Variants in SERGEF observed in about 807,000 individuals in gnomAD.
The protein encoded by SERGEF is secretion-regulating guanine nucleotide exchange factor.
A neutral mutation model predicts 50.0 loss-of-function variants in SERGEF; 51 were observed. That is an observed-to-expected ratio of 1.02 (90% CI 0.81 to 1.29). SERGEF has a LOEUF of 1.29. Ranked by LOEUF, SERGEF falls within the 50% of genes most tolerant of loss-of-function variation. The pLI is 0.00. For synonymous variants in SERGEF, 205 were observed against 212.4 expected, an observed-to-expected ratio of 0.97 and a Z score of 0.30; for missense variants, 521 against 557.0, an observed-to-expected ratio of 0.94 and a Z score of 0.65.
At chr11:17,903,368 T>C (rs1388194979) in intron 9 of SERGEF, among the ~76,000 whole-genome samples, 5 of 152,144 alleles carry the variant, frequency 3.3e-5, no homozygotes, top group Admixed American at 3.3e-4. Flanking sequence ...ACAGCTAGAA[T>C]ACTAAAGCTG....
At chr11:17,981,513 T>C (rs1853494675) in intron 8 of SERGEF, among the ~76,000 whole-genome samples, 1 of 152,146 alleles carries the variant, frequency 6.6e-6, no homozygotes, top group Non-Finnish European at 1.5e-5. Context: ...AACAGGGCAA[T>C]GCCATTAACG....
chr11:17,999,468 CA>C (rs1020681665), intron 5 of SERGEF: 1 of 393,520 alleles, frequency 2.5e-6, no homozygotes, highest in African/African-American at 2.1e-5. Context: ...ACTATCAGCA[CA>C]GTCCTGCATT....
chr11:17,860,946 C>A (rs1218787956), intron 10 of SERGEF, among the ~76,000 whole-genome samples: 8 of 152,186 alleles, frequency 5.3e-5, no homozygotes. Flanking sequence ...ATGGTCAGAT[C>A]ACCTCAGCTT....
At chr11:17,913,161 G>A (rs1188701272) in intron 9 of SERGEF, among the ~76,000 whole-genome samples, 2 of 152,194 alleles carry the variant, frequency 1.3e-5, no homozygotes, top group Non-Finnish European at 2.9e-5. Flanking sequence ...CTGGCTACCC[G>A]CAGCATCTGG....
At chr11:17,936,875 T>C (rs1805814335) in intron 9 of SERGEF, among the ~76,000 whole-genome samples, 1 of 152,190 alleles carries the variant, frequency 6.6e-6, no homozygotes, top group Non-Finnish European at 1.5e-5. Flanking sequence ...ATCCTAAATA[T>C]GTGTCAAGAG....
intron 8 of SERGEF, among the ~76,000 whole-genome samples, chr11:17,982,008 C>G (rs573291980): frequency 6.6e-6 from 1 of 152,068 alleles, no homozygotes; most frequent in Non-Finnish European, 1.5e-5. Context: ...TTTTGCCATA[C>G]TGCCCAGGCT....
intron 9 of SERGEF, among the ~76,000 whole-genome samples, chr11:17,958,001 G>A (rs1008747196): frequency 1.3e-5 from 2 of 152,146 alleles, no homozygotes; most frequent in Non-Finnish European, 2.9e-5. Flanking sequence ...GCAAGATTAT[G>A]GAAATCTTCC....
chr11:17,961,975 A>G (rs181117390), intron 8 of SERGEF, among the ~76,000 whole-genome samples: 1 of 152,332 alleles, frequency 6.6e-6, no homozygotes, highest in Admixed American at 6.5e-5. Flanking sequence ...ATGCTATGGC[A>G]TATAGAGTAT....
At chr11:17,878,361 A>T in intron 9 of SERGEF, 117 bp from the exon 10 acceptor site, 1 of 695,842 alleles carries the variant, frequency 1.4e-6, no homozygotes, top group Non-Finnish European at 2.5e-6. Flanking sequence ...TAGGAAGGAA[A>T]TAGAAAGAAG....
At chr11:17,903,149 A>C (rs1036150714) in intron 9 of SERGEF, among the ~76,000 whole-genome samples, 2 of 152,246 alleles carry the variant, frequency 1.3e-5, no homozygotes, top group Non-Finnish European at 2.9e-5. Context: ...AGAAAGGACC[A>C]GAAGATTTCA....
intron 10 of SERGEF, among the ~76,000 whole-genome samples, chr11:17,816,339 G>A (rs1194748315): frequency 6.6e-6 from 1 of 152,198 alleles, no homozygotes; most frequent in African/African-American, 2.4e-5. Flanking sequence ...ATGCTAGGGG[G>A]AATGAAAAGG....
chr11:17,800,271 C>T (rs1469678093), intron 10 of SERGEF, among the ~76,000 whole-genome samples: 1 of 152,122 alleles, frequency 6.6e-6, no homozygotes. Flanking sequence ...TAGCCTTCCC[C>T]ACCAACATCC....
intron 3 of SERGEF, among the ~76,000 whole-genome samples, chr11:18,004,818 TTTTCATG>T (rs1854040127): frequency 6.6e-6 from 1 of 152,218 alleles, no homozygotes; most frequent in Non-Finnish European, 1.5e-5. Flanking sequence ...AATTTTTCAT[TTTTCATG>T]TTTCCATGTG....
At chr11:18,006,459 AG>A (rs1854076457) in intron 3 of SERGEF, 131 bp downstream of exon 3, 1 of 883,794 alleles carries the variant, frequency 1.1e-6, no homozygotes, top group Non-Finnish European at 1.7e-6. Context: ...TACAATTGTG[AG>A]CCACCGCACC....
chr11:17,963,379 A>G (rs1853055266), intron 8 of SERGEF, among the ~76,000 whole-genome samples: 1 of 146,970 alleles, frequency 6.8e-6, no homozygotes, highest in Non-Finnish European at 1.5e-5. Context: ...AAAAAAAAAA[A>G]AAAAAAAAAA....
rs149254987 is a variant in SERGEF at position 17,982,328 on chromosome 11, T to C, written c.844+6269A>G. Among the ~76,000 whole-genome samples, 913 of 152,308 alleles carry C rather than the reference T, an allele frequency of 6.0e-3. 15 individuals are homozygous for C. Among genetic ancestry groups the C allele is most frequent in the African/African-American group, 0.02 (849 of 41,554 alleles). On this transcript the variant is annotated intron_variant, in intron 8 of 10. Coordinates refer to ENST00000265965, the MANE Select transcript of SERGEF (RefSeq NM_012139.4). ...GTCCTCAGTTTTCACATCTCTAAAC[T>C]GAGGAATTAAGGCCAGATGATCTCT...
intron 8 of SERGEF, among the ~76,000 whole-genome samples, chr11:17,970,549 T>C (rs1450680937): frequency 6.6e-6 from 1 of 152,160 alleles, no homozygotes; most frequent in Non-Finnish European, 1.5e-5. Context: ...AAGCTATAAA[T>C]GATTAATCTT....
chr11:17,878,282 A>G, intron 9 of SERGEF, 38 bp from the exon 10 acceptor site: 1 of 1,465,044 alleles, frequency 6.8e-7, no homozygotes, highest in African/African-American at 1.4e-5. Flanking sequence ...ATGGATAGAT[A>G]TTTCAGCCAG....
intron 9 of SERGEF, among the ~76,000 whole-genome samples, chr11:17,937,716 G>A (rs1276121181): frequency 6.6e-6 from 1 of 151,896 alleles, no homozygotes; most frequent in Non-Finnish European, 1.5e-5. Context: ...ACCTCACAGA[G>A]GTAGACAAAA....
Sources: allele counts gnomAD v4.1 joint callset (sites outside exome capture counted in the v4.1 genomes callset), GRCh38; gene constraint gnomAD v4.1.1; transcripts MANE v1.5; gene names NCBI Gene and HGNC (gene_info 2026-07-23, HGNC 2026-07-21).